BMPR1A: variants seen among roughly 807,000 people sequenced by gnomAD.
The protein encoded by BMPR1A is bone morphogenetic protein receptor type 1A.
In BMPR1A, 7 loss-of-function variants were observed where a neutral mutation model predicts 66.0. That is an observed-to-expected ratio of 0.11 (90% CI 0.06 to 0.20). The LOEUF (loss-of-function observed/expected upper bound fraction) is 0.20. BMPR1A is among the 10% of genes least tolerant of loss of function. The pLI, the probability that BMPR1A is intolerant of heterozygous loss-of-function variation, is 1.00. For synonymous variants in BMPR1A, 200 were observed against 229.7 expected (o/e 0.87, Z 1.17); for missense variants, 408 against 669.1 (o/e 0.61, Z 4.31).
chr10:86,909,312 G>A (rs1843442408), intron 7 of BMPR1A, among the ~76,000 whole-genome samples: 1 of 152,102 alleles, frequency 6.6e-6, no homozygotes, highest in Non-Finnish European at 1.5e-5. Context: ...AATAATGAGG[G>A]CCAGCTGTGG....
At chr10:86,827,340 A>G (rs1042885607) in intron 1 of BMPR1A, among the ~76,000 whole-genome samples, 2 of 151,936 alleles carry the variant, frequency 1.3e-5, no homozygotes, top group Admixed American at 6.6e-5. Context: ...ATTTATGTTG[A>G]CATTGTTAGC....
chr10:86,855,221 C>CAG, intron 2 of BMPR1A: 2 of 948,480 alleles, frequency 2.1e-6, no homozygotes. Flanking sequence ...GTTTTTTAAC[C>CAG]AGAGAGGCTT....
intron 1 of BMPR1A, among the ~76,000 whole-genome samples, chr10:86,831,483 C>T (rs1044177643): frequency 2.0e-5 from 3 of 152,206 alleles, no homozygotes; most frequent in African/African-American, 7.2e-5. Context: ...GCACCAGGCA[C>T]AGTGGTTTAT....
At chr10:86,764,892 G>A (rs1394239935) in intron 1 of BMPR1A, among the ~76,000 whole-genome samples, 1 of 152,178 alleles carries the variant, frequency 6.6e-6, no homozygotes, top group Non-Finnish European at 1.5e-5. Context: ...ATAGTGAGAT[G>A]ATACTGTTAG....
intron 7 of BMPR1A, among the ~76,000 whole-genome samples, chr10:86,910,462 C>T (rs993652449): frequency 8.5e-5 from 13 of 152,098 alleles, no homozygotes; most frequent in African/African-American, 3.1e-4. Flanking sequence ...TGGAATGATA[C>T]CCCAGGTAAG....
chr10:86,791,533 A>G, intron 1 of BMPR1A, among the ~76,000 whole-genome samples: 1 of 151,830 alleles, frequency 6.6e-6, no homozygotes, highest in Non-Finnish European at 1.5e-5. Flanking sequence ...CTTGAAACAC[A>G]CGCACAGAAA....
intron 1 of BMPR1A, among the ~76,000 whole-genome samples, chr10:86,817,475 G>A (rs1842051499): frequency 6.6e-6 from 1 of 152,128 alleles, no homozygotes; most frequent in South Asian, 2.1e-4. Flanking sequence ...ACCACATTTT[G>A]CTTATCCATT....
At chr10:86,916,093 T>G (rs1843564256) in intron 8 of BMPR1A, among the ~76,000 whole-genome samples, 1 of 152,116 alleles carries the variant, frequency 6.6e-6, no homozygotes, top group Non-Finnish European at 1.5e-5. Flanking sequence ...GCACTCTAAG[T>G]AAAGGGAACT....
At chr10:86,866,797 A>G (rs1021281405) in intron 2 of BMPR1A, among the ~76,000 whole-genome samples, 7 of 152,068 alleles carry the variant, frequency 4.6e-5, no homozygotes, top group East Asian at 1.9e-4. Flanking sequence ...TATACCCGAC[A>G]AAACACTGCA....
intron 7 of BMPR1A, among the ~76,000 whole-genome samples, chr10:86,910,771 T>C (rs1362764217): frequency 6.6e-6 from 1 of 152,226 alleles, no homozygotes; most frequent in East Asian, 1.9e-4. Flanking sequence ...TTATATATTA[T>C]ACATTCTGAA....
chr10:86,796,866 G>A (rs1472797851), intron 1 of BMPR1A, among the ~76,000 whole-genome samples: 2 of 151,910 alleles, frequency 1.3e-5, no homozygotes, highest in Non-Finnish European at 2.9e-5. Flanking sequence ...ATAAAAGTTT[G>A]TGGTTGGGTA....
chr10:86,915,750 A>G (rs1843559845), intron 8 of BMPR1A, among the ~76,000 whole-genome samples: 1 of 152,140 alleles, frequency 6.6e-6, no homozygotes, highest in Non-Finnish European at 1.5e-5. Context: ...AAAATTTACA[A>G]AAGGATTCTA....
rs1411121266 is a variant in BMPR1A, at chr10:86,925,738, T to TTTTTTTTTTTTTTA, written c.*2019_*2020insTTTTTTTTTTTTTA. 1 of 152,820 alleles carries TTTTTTTTTTTTTTA rather than the reference T, an allele frequency of 6.5e-6. No individual in the cohort carries two copies. The allele number at this position is 152,820 out of a possible 1,614,324, so 9.5% of individuals were successfully genotyped here. On this transcript the variant is annotated 3_prime_UTR_variant, in exon 13 of 13. Transcript: ENST00000372037. ...TTTGTCATCTTTTTTTTTTTTTTTT[T>TTTTTTTTTTTTTTA]GAGACGGAGTCTCGCTCTGTCGCCC...
intron 1 of BMPR1A, among the ~76,000 whole-genome samples, chr10:86,774,879 G>C (rs1189037620): frequency 6.6e-6 from 1 of 152,180 alleles, no homozygotes; most frequent in Admixed American, 6.5e-5. Flanking sequence ...GTAACTCTTT[G>C]TGATAGACTA....
intron 3 of BMPR1A, among the ~76,000 whole-genome samples, chr10:86,879,112 GCT>G (rs763094342): frequency 5.3e-5 from 8 of 152,130 alleles, no homozygotes; most frequent in Non-Finnish European, 1.0e-4. Context: ...TGGTTATGTG[GCT>G]CATCAAGACC....
intron 3 of BMPR1A, among the ~76,000 whole-genome samples, chr10:86,878,123 A>G (rs1414571652): frequency 6.6e-6 from 1 of 152,238 alleles, no homozygotes; most frequent in African/African-American, 2.4e-5. Context: ...GAAGGATTGT[A>G]GAATGGTATT....
chr10:86,875,099 A>G (rs1842903867), intron 2 of BMPR1A, among the ~76,000 whole-genome samples: 1 of 151,466 alleles, frequency 6.6e-6, no homozygotes, highest in African/African-American at 2.4e-5. Flanking sequence ...TTCGCCTGGC[A>G]TGGTGACTCA....
At chr10:86,790,567 A>G (rs944914328) in intron 1 of BMPR1A, among the ~76,000 whole-genome samples, 3 of 152,094 alleles carry the variant, frequency 2.0e-5, no homozygotes, top group Non-Finnish European at 4.4e-5. Flanking sequence ...TAAATAGATA[A>G]ACAAAATGTG....
intron 2 of BMPR1A, among the ~76,000 whole-genome samples, chr10:86,870,134 C>G (rs17426348): frequency 0.053 from 8,078 of 152,274 alleles, 294 homozygotes; most frequent in South Asian, 0.11. Context: ...TCTTTTCACT[C>G]TCTTGGAAGG....
Sources: gnomAD v4.1 joint callset for allele counts (sites outside exome capture counted in the v4.1 genomes callset) on GRCh38, gnomAD v4.1.1 for gene constraint, MANE v1.5 for transcripts, NCBI Gene and HGNC (gene_info 2026-07-23, HGNC 2026-07-21) for gene names.